The following PTPN9 variants were observed in gnomAD, a reference collection of about 807,000 sequenced individuals.
PTPN9 encodes the protein protein tyrosine phosphatase non-receptor type 9, also known as tyrosine-protein phosphatase non-receptor type 9.
PTPN9 carries 26 observed loss-of-function variants against 69.8 expected under a neutral mutation model. The ratio of observed to expected loss-of-function variants is 0.37; its 90% CI spans 0.27 to 0.52. PTPN9 has a LOEUF of 0.52. Ranked by LOEUF, PTPN9 falls within the 20% of genes least tolerant of loss-of-function variation. The pLI is 0.91. For synonymous variants in PTPN9, 274 were observed against 272.5 expected (o/e 1.01, Z -0.05); for missense variants, 549 against 740.3 (o/e 0.74, Z 3.00).
At chr15:75,543,639 C>T (rs2075018882) in intron 1 of PTPN9, among the ~76,000 whole-genome samples, 1 of 152,144 alleles carries the variant, frequency 6.6e-6, no homozygotes, top group African/African-American at 2.4e-5. Flanking sequence ...CAGAGGAGAA[C>T]TAGGTAGCTG....
At chr15:75,471,015 C>A (rs2074561108) in intron 10 of PTPN9, 185 bp from the exon 11 acceptor site, 2 of 690,868 alleles carry the variant, frequency 2.9e-6, no homozygotes, top group Non-Finnish European at 4.6e-6. Context: ...GTACTCACAG[C>A]TAAAGTTTCT....
chr15:75,501,984 C>G (rs1263110010), intron 7 of PTPN9, among the ~76,000 whole-genome samples: 1 of 151,812 alleles, frequency 6.6e-6, no homozygotes, highest in Non-Finnish European at 1.5e-5. Context: ...ATGCCAAAAC[C>G]CCATCTCTTC....
intron 7 of PTPN9, among the ~76,000 whole-genome samples, chr15:75,495,933 T>A (rs150209059): frequency 1.5e-3 from 233 of 151,506 alleles, no homozygotes; most frequent in South Asian, 0.011. Context: ...AGCTCAGGAG[T>A]TTGGGACCAG....
At chr15:75,550,250 CCA>C (rs1199878737) in intron 1 of PTPN9, among the ~76,000 whole-genome samples, 1 of 150,348 alleles carries the variant, frequency 6.7e-6, no homozygotes, top group Non-Finnish European at 1.5e-5. Context: ...ACTGCAACCT[CCA>C]CCTCCCGGAT....
At chr15:75,572,868 T>C (rs1365633470) in intron 1 of PTPN9, among the ~76,000 whole-genome samples, 1 of 152,216 alleles carries the variant, frequency 6.6e-6, no homozygotes, top group Non-Finnish European at 1.5e-5. Context: ...ATTTTTTTCC[T>C]ATAGTAATTT....
At chr15:75,516,410 T>C (rs1016879188) in intron 5 of PTPN9, among the ~76,000 whole-genome samples, 1 of 151,072 alleles carries the variant, frequency 6.6e-6, no homozygotes, top group African/African-American at 2.4e-5. Flanking sequence ...TTCACACCAT[T>C]CTCCTGCCTC....
At chr15:75,490,348 C>T (rs376806582) in intron 7 of PTPN9, 47 bp from the exon 8 acceptor site, 115 of 1,363,690 alleles carry the variant, frequency 8.4e-5, no homozygotes, top group Non-Finnish European at 1.1e-4. Flanking sequence ...AAAGTGGGGA[C>T]AGTATGTATG....
intron 8 of PTPN9, chr15:75,480,892 C>A: frequency 3.7e-6 from 1 of 268,650 alleles, no homozygotes; most frequent in Non-Finnish European, 6.8e-6. Context: ...CCGGCTGCCA[C>A]CCCGTCTGGG....
intron 6 of PTPN9, among the ~76,000 whole-genome samples, chr15:75,507,142 T>C (rs2074823587): frequency 6.6e-6 from 1 of 152,188 alleles, no homozygotes; most frequent in Non-Finnish European, 1.5e-5. Flanking sequence ...CTCAAAGAGT[T>C]ACCTTAGAAA....
At chr15:75,514,853 A>G (rs1352860953) in intron 5 of PTPN9, among the ~76,000 whole-genome samples, 2 of 152,228 alleles carry the variant, frequency 1.3e-5, no homozygotes, top group African/African-American at 4.8e-5. Context: ...ACAAGATACC[A>G]TCTCATATCC....
intron 8 of PTPN9, among the ~76,000 whole-genome samples, chr15:75,482,381 C>G (rs923772032): frequency 6.6e-6 from 1 of 151,916 alleles, no homozygotes; most frequent in Non-Finnish European, 1.5e-5. Context: ...CTGGCTAACA[C>G]GGTGAAACCC....
At chr15:75,563,925 C>T (rs574942507) in intron 1 of PTPN9, among the ~76,000 whole-genome samples, 81 of 152,206 alleles carry the variant, frequency 5.3e-4, no homozygotes, top group Middle Eastern at 3.4e-3. Flanking sequence ...AAAAAATCCT[C>T]AGTTGACATT....
At position 75,463,771 on chromosome 15, in the gene PTPN9, A is replaced by G. The variant is rs1274846496; in HGVS notation, c.*4998T>C. 1 of 152,202 alleles carries G rather than the reference A, an allele frequency of 6.6e-6. No individual in the cohort carries two copies. Among genetic ancestry groups the G allele is most frequent in the Non-Finnish European group, 1.5e-5 (1 of 68,028 alleles). The allele number at this position is 152,202 out of a possible 1,614,324, so 9.4% of individuals were successfully genotyped here. A position where few individuals can be genotyped will look rare whatever the true frequency, so the allele number is the denominator to read the frequency against. On this transcript the variant is annotated 3_prime_UTR_variant, in exon 13 of 13. Coordinates refer to ENST00000618819, the MANE Select transcript of PTPN9 (RefSeq NM_002833.4). ...AATTATGAACAGTGCAGTCTAGAACACTTGATATTCACAAGTGTTGTGTAA... is the reference window on the plus strand; with the variant it reads ...AATTATGAACAGTGCAGTCTAGAACGCTTGATATTCACAAGTGTTGTGTAA...
At chr15:75,482,481 C>T (rs1269387814) in intron 8 of PTPN9, among the ~76,000 whole-genome samples, 2 of 140,148 alleles carry the variant, frequency 1.4e-5, no homozygotes, top group Non-Finnish European at 3.0e-5. Flanking sequence ...AGGAGAATGG[C>T]GTGAACCCGG....
In PTPN9 at chr15:75,578,819, C is replaced by G. The variant is rs1008523314; in HGVS notation, c.-43G>C. Reference sequence around the variant, plus strand: ...CGGGCGGACAAAACTCGCTCGCGAGCGCGGGAGCCCGGCGCGCTCGGCCTC... The same window carrying G: ...CGGGCGGACAAAACTCGCTCGCGAGGGCGGGAGCCCGGCGCGCTCGGCCTC... On this transcript the variant is annotated 5_prime_UTR_variant, in exon 1 of 13. Coordinates refer to ENST00000618819, the MANE Select transcript of PTPN9 (RefSeq NM_002833.4). 13 of 1,186,130 alleles carry G rather than the reference C, an allele frequency of 1.1e-5. No individual in the cohort carries two copies. In the South Asian group the frequency reaches 5.2e-4, roughly 47 times the overall value. The allele number at this position is 1,186,130 out of a possible 1,614,324, so 73.5% of individuals were successfully genotyped here.
At chr15:75,510,009 A>G (rs1304197647) in intron 5 of PTPN9, among the ~76,000 whole-genome samples, 1 of 152,170 alleles carries the variant, frequency 6.6e-6, no homozygotes, top group Non-Finnish European at 1.5e-5. Context: ...AATAAATAAA[A>G]ATTTAAAAAT....
intron 10 of PTPN9, among the ~76,000 whole-genome samples, chr15:75,472,869 A>C (rs2074575656): frequency 6.6e-6 from 1 of 151,792 alleles, no homozygotes; most frequent in Non-Finnish European, 1.5e-5. Context: ...AATTGCTTGA[A>C]CCTGGGAGAC....
chr15:75,482,623 C>G lies in PTPN9; in HGVS notation c.1063-2709G>C, dbSNP rs371077297. 5.5e-4 allele frequency among the ~76,000 whole-genome samples: 76 copies of G among 139,006 alleles called. No homozygotes were observed. The South Asian group carries it at 0.018, about 33-fold the overall frequency. 91.2% of individuals were successfully genotyped at this position (139,006 alleles called of 152,430 possible). ...TCACCAATCCCTAATCTCAAGTAAT[C>G]AGGGACACAAACACTGCGGAAGGCC... is the stretch of plus-strand genomic sequence containing the variant. On this transcript the variant is annotated intron_variant, in intron 8 of 12. Coordinates refer to ENST00000618819, the MANE Select transcript of PTPN9 (RefSeq NM_002833.4).
At chr15:75,562,784 C>A (rs2075110030) in intron 1 of PTPN9, among the ~76,000 whole-genome samples, 3 of 94,612 alleles carry the variant, frequency 3.2e-5, no homozygotes, top group African/African-American at 4.9e-5. Context: ...CAGAGCGAGA[C>A]TCGTTTCAAA....
Sources: gnomAD v4.1 joint callset for allele counts (sites outside exome capture counted in the v4.1 genomes callset) on GRCh38, gnomAD v4.1.1 for gene constraint, MANE v1.5 for transcripts, NCBI Gene and HGNC (gene_info 2026-07-23, HGNC 2026-07-21) for gene names.